The following C1orf35 variants were observed in gnomAD, a reference collection of about 807,000 sequenced individuals.
The protein encoded by C1orf35 is chromosome 1 open reading frame 35, also known as multiple myeloma tumor-associated protein 2.
In C1orf35, 36 loss-of-function variants were observed where a neutral mutation model predicts 30.9. That is an observed-to-expected ratio of 1.16 (90% CI 0.89 to 1.54). C1orf35 has a LOEUF of 1.54. Among genes scored for constraint, C1orf35 ranks in the 40% most tolerant of loss-of-function variants. The pLI, the probability that C1orf35 is intolerant of heterozygous loss-of-function variation, is 0.00. For synonymous variants in C1orf35, 179 were observed against 148.2 expected (o/e 1.21, Z -1.51); for missense variants, 396 against 358.7 (o/e 1.10, Z -0.84).
At position 228,102,552 on chromosome 1, in the gene C1orf35, C is replaced by T. The variant is rs1224448957; in HGVS notation, c.300G>A (p.Ala100=). 2 of 1,562,062 alleles carry T rather than the reference C, an allele frequency of 1.3e-6. No homozygotes were observed. Among genetic ancestry groups the T allele is most frequent in the Non-Finnish European group, 1.7e-6 (2 of 1,156,832 alleles). ...QPTGLSKEDF[A]EVCKREGGDP... is the part of the protein sequence containing the mutation. The stretch of plus-strand genomic sequence containing the variant: ...CGCCTCCTTCCCGCTTGCAGACCTC[C>T]GCGAAGTCCTGCAGGTGCGAGAGCA... The change falls in exon 4 of 8, where the codon GCG becomes GCA. Residue 100 remains alanine (A), a synonymous_variant. Coordinates refer to ENST00000272139, the MANE Select transcript of C1orf35 (RefSeq NM_024319.4).
In C1orf35 at chr1:228,102,882, C is replaced by G. The variant is rs1404141119; in HGVS notation, c.245+17G>C. 7.9e-6 allele frequency: 11 copies of G among 1,396,482 alleles called. No individual in the cohort carries two copies. The highest frequency in any genetic ancestry group is 1.0e-5 in the Non-Finnish European group (11 of 1,082,104). 86.5% of individuals were successfully genotyped at this position (1,396,482 alleles called of 1,614,324 possible). A position where few individuals can be genotyped will look rare whatever the true frequency, so the allele number is the denominator to read the frequency against. On this transcript the variant is annotated intron_variant, in intron 2 of 7. Coordinates refer to ENST00000272139, the MANE Select transcript of C1orf35 (RefSeq NM_024319.4). The stretch of plus-strand genomic sequence containing the variant: ...CGCCGTCCCAGGCACCGACCGCTGC[C>G]GTCCGCGGACACTCACAGGGCGGCC...
intron 2 of C1orf35, 69 bp from the exon 3 acceptor site, chr1:228,102,757 G>T: frequency 6.6e-7 from 1 of 1,524,868 alleles, no homozygotes. Flanking sequence ...CACCACTCCA[G>T]CCTTCGTCCT....
In C1orf35 at chr1:228,102,072, A is replaced by G. The variant is rs1181564428; in HGVS notation, c.533+8T>C. ...GGGGCACAGCTAGCCCAGGTGGCAC[A>G]GCCTCACCTGCTTTCCGTCTGATCC... On this transcript the variant is annotated splice_region_variant and intron_variant, in intron 6 of 7. Coordinates refer to ENST00000272139, the MANE Select transcript of C1orf35 (RefSeq NM_024319.4). 1.3e-6 allele frequency: 2 copies of G among 1,561,080 alleles called. No individual in the cohort carries two copies. Among genetic ancestry groups the G allele is most frequent in the Non-Finnish European group, 1.7e-6 (2 of 1,160,938 alleles).
rs1258081203 is a variant in C1orf35, at chr1:228,102,310, C to G, written c.447G>C (p.Thr149=). ...EAAKLGLSVF[T]HHRVESGGPG... is the part of the protein sequence containing the mutation. ...GCGGTCAGGCGGGGCGGGGGATTAC[C>G]GTGAACACAGACAGCCCCAGTTTGG... Residue 149 remains threonine, a splice_region_variant and synonymous_variant, in exon 5 of 8, where the codon ACG becomes ACC. Transcript: ENST00000272139. The G allele has an allele frequency of 1.9e-6, 3 of 1,611,132 alleles. No homozygotes were observed. Among genetic ancestry groups the G allele is most frequent in the South Asian group, 1.1e-5 (1 of 91,034 alleles).
At chr1:228,102,755 C>T in intron 2 of C1orf35, 67 bp from the exon 3 acceptor site, 1 of 1,529,370 alleles carries the variant, frequency 6.5e-7, no homozygotes, top group African/African-American at 1.4e-5. Context: ...CTCACCACTC[C>T]AGCCTTCGTC....
At position 228,102,061 on chromosome 1, in the gene C1orf35, C is replaced by G; in HGVS notation, c.533+19G>C. The G allele has an allele frequency of 6.5e-7, 1 of 1,535,428 alleles. No homozygotes were observed. The highest frequency in any genetic ancestry group is 8.7e-7 in the Non-Finnish European group (1 of 1,146,600). ...CCCCCCACCCCGGGGCACAGCTAGC[C>G]CAGGTGGCACAGCCTCACCTGCTTT... On this transcript the variant is annotated intron_variant, in intron 6 of 7. Transcript: ENST00000272139.
intron 1 of C1orf35, 25 bp downstream of exon 1, chr1:228,103,109 G>A (rs1322155306): frequency 1.2e-6 from 2 of 1,608,708 alleles, no homozygotes; most frequent in Admixed American, 3.3e-5. Flanking sequence ...CCGGAGCCCG[G>A]AGCCCGCCCA....
chr1:228,101,396 T>G lies in C1orf35; in HGVS notation c.611A>C (p.Lys204Thr), dbSNP rs1463107949. The change falls in exon 7 of 8, where the codon AAA becomes ACA. Residue 204 changes from lysine to threonine, a missense_variant. Lys to Thr is a moderately conservative substitution (Grantham distance 78). Coordinates refer to ENST00000272139, the MANE Select transcript of C1orf35 (RefSeq NM_024319.4). ...KRKHKKEKKK[K>T]DKEHRRPAEA... ...AGCTGGCCGCCTGTGCTCTTTGTCT[T>G]TCTTCTTCTTCTCTTTCTTGTGTTT... is the stretch of plus-strand genomic sequence containing the variant. 5.0e-6 allele frequency: 8 copies of G among 1,611,698 alleles called. No homozygotes were observed. Among genetic ancestry groups the G allele is most frequent in the Non-Finnish European group, 6.8e-6 (8 of 1,179,862 alleles).
chr1:228,101,230 G>A lies in C1orf35; in HGVS notation c.693C>T (p.Ser231=), dbSNP rs1011467420. 3.7e-5 allele frequency: 59 copies of A among 1,614,008 alleles called. No individual in the cohort carries two copies. The highest frequency in any genetic ancestry group is 1.1e-4 in the East Asian group (5 of 44,894). Residue 231 remains serine (S), a synonymous_variant, in exon 8 of 8, where the codon TCC becomes TCT. Transcript: ENST00000272139. ...TCTTACAGCAGGGGGAGTTGGAGTC[G>A]GAGTCATGGTGGTGGTGCCTGGGCC... ...PERPRHHHHD[S]DSNSPCCKRR...
Position 228,102,491 on chromosome 1 carries a change from G to A in C1orf35, c.361C>T (p.Leu121=), listed in dbSNP as rs570632683. ...EEKGVDRLLG[L]GSASGSVGRV... ...ACCCGCCCGCACCTTGCGCTCCCCA[G>A]CCCCAGCAGCCGGTCCACGCCCTTC... The change falls in exon 4 of 8, where the codon CTG becomes TTG. Residue 121 remains leucine (L), a synonymous_variant. Coordinates refer to ENST00000272139, the MANE Select transcript of C1orf35 (RefSeq NM_024319.4). 3.2e-6 allele frequency: 5 copies of A among 1,557,718 alleles called. No homozygotes were observed. Among genetic ancestry groups the A allele is most frequent in the African/African-American group, 2.7e-5 (2 of 73,518 alleles).
rs368673303 is a variant in C1orf35 at position 228,102,500 on chromosome 1, G to A, written c.352C>T (p.Leu118=). ...GDPEEKGVDR[L]LGLGSASGSV... Reference sequence around the variant, plus strand: ...CACCTTGCGCTCCCCAGCCCCAGCAGCCGGTCCACGCCCTTCTCCTCGGGG... The same window carrying A: ...CACCTTGCGCTCCCCAGCCCCAGCAACCGGTCCACGCCCTTCTCCTCGGGG... Residue 118 remains leucine (L), a synonymous_variant, in exon 4 of 8, where the codon CTG becomes TTG. Transcript: ENST00000272139. The A allele has an allele frequency of 1.3e-6, 2 of 1,558,142 alleles. No homozygotes were observed. Among genetic ancestry groups the A allele is most frequent in the Non-Finnish European group, 1.7e-6 (2 of 1,154,928 alleles).
Position 228,101,212 on chromosome 1 carries a change from G to C in C1orf35, c.711C>G (p.Cys237Trp). The C allele has an allele frequency of 6.2e-7, 1 of 1,614,182 alleles. No homozygotes were observed. Among genetic ancestry groups the C allele is most frequent in the South Asian group, 1.1e-5 (1 of 91,082 alleles). The stretch of plus-strand genomic sequence containing the variant: ...TGTGTCCCCGCTTCCTCCTCTTACA[G>C]CAGGGGGAGTTGGAGTCGGAGTCAT... ...HHHDSDSNSP[C>W]CKRRKRGHSG... The change falls in exon 8 of 8, where the codon TGC becomes TGG. Residue 237 changes from cysteine (C) to tryptophan (W), a missense_variant. By Grantham distance (215) the Cys-to-Trp change is radical (BLOSUM62 -2). Transcript: ENST00000272139.
intron 6 of C1orf35, 30 bp downstream of exon 6, chr1:228,102,050 G>A (rs1264530079): frequency 2.6e-6 from 4 of 1,518,442 alleles, no homozygotes; most frequent in South Asian, 1.2e-5. Context: ...CCACCCCGGG[G>A]CACAGCTAGC....
rs201744108 is a variant in C1orf35 at position 228,103,206 on chromosome 1, C to T, written c.22G>A (p.Gly8Ser). The T allele has an allele frequency of 9.3e-6, 15 of 1,611,026 alleles. No individual in the cohort carries two copies. The East Asian group carries it at 3.1e-4, about 34-fold the overall frequency. MFGSSRG[G>S]VRGGQDQFNW... ...AACTGGTCCTGCCCGCCGCGCACGC[C>T]TCCACGACTGGAGCCGAACATGGCG... Residue 8 changes from glycine (G) to serine (S), a missense_variant, in exon 1 of 8, where the codon GGC (glycine) becomes AGC (serine). Gly to Ser is a moderately conservative substitution (Grantham distance 56). Transcript: ENST00000272139.
intron 6 of C1orf35, chr1:228,101,741 C>T (rs900394050): frequency 5.6e-5 from 80 of 1,416,644 alleles, no homozygotes; most frequent in Non-Finnish European, 7.2e-5. Flanking sequence ...CTACCTGCAC[C>T]CACCAGGCCA....
In C1orf35 at chr1:228,100,980, A is replaced by T; in HGVS notation, c.*151T>A. On this transcript the variant is annotated 3_prime_UTR_variant, in exon 8 of 8. Transcript: ENST00000272139. The stretch of plus-strand genomic sequence containing the variant: ...GCCGGCTGCTCCAGAGCTAGCTGTC[A>T]AGTCTTTAGCCCCACAGGCTGGTGC... The T allele has an allele frequency of 8.6e-7, 1 of 1,163,022 alleles. No individual in the cohort carries two copies. The highest frequency in any genetic ancestry group is 1.2e-6 in the Non-Finnish European group (1 of 829,262). 72.0% of individuals were successfully genotyped at this position (1,163,022 alleles called of 1,614,324 possible). A position where few individuals can be genotyped will look rare whatever the true frequency, so the allele number is the denominator to read the frequency against.
chr1:228,101,598 C>G, intron 6 of C1orf35, 125 bp from the exon 7 acceptor site: 1 of 1,517,726 alleles, frequency 6.6e-7, no homozygotes, highest in Non-Finnish European at 8.8e-7. Context: ...TTAAATCAAA[C>G]TACAAATTCC....
In C1orf35 at chr1:228,102,898, C is replaced by T; in HGVS notation, c.245+1G>A. 1 of 1,464,834 alleles carries T rather than the reference C, an allele frequency of 6.8e-7. No homozygotes were observed. Among genetic ancestry groups the T allele is most frequent in the Non-Finnish European group, 9.0e-7 (1 of 1,115,810 alleles). 90.7% of individuals were successfully genotyped at this position (1,464,834 alleles called of 1,614,324 possible). On this transcript the variant is annotated splice_donor_variant, in intron 2 of 7. Coordinates refer to ENST00000272139, the MANE Select transcript of C1orf35 (RefSeq NM_024319.4). LOFTEE classifies it high-confidence loss of function. ...GACCGCTGCCGTCCGCGGACACTCACAGGGCGGCCAGCAGCGCCTCGCGCT... is the reference window on the plus strand; with the variant it reads ...GACCGCTGCCGTCCGCGGACACTCATAGGGCGGCCAGCAGCGCCTCGCGCT...
chr1:228,102,118 G>T lies in C1orf35; in HGVS notation c.495C>A (p.Ala165=), dbSNP rs2032983671. The stretch of plus-strand genomic sequence containing the variant: ...GATCCTCCGCCCGCGGCTTCCTCCT[G>T]GCCGAGGCTGCCGAGGTCCCGGGCC... The part of the protein sequence containing the change: ...SGGPGTSAAS[A]RRKPRAEDQT... Residue 165 remains alanine (A), a synonymous_variant, in exon 6 of 8, where the codon GCC becomes GCA. Coordinates refer to ENST00000272139, the MANE Select transcript of C1orf35 (RefSeq NM_024319.4). 6.3e-7 allele frequency: 1 copy of T among 1,580,464 alleles called. No individual in the cohort carries two copies. The highest frequency in any genetic ancestry group is 2.3e-5 in the East Asian group (1 of 43,906).
Sources: allele counts gnomAD v4.1 joint callset, GRCh38; gene constraint gnomAD v4.1.1; transcripts MANE v1.5; gene names NCBI Gene and HGNC (gene_info 2026-07-23, HGNC 2026-07-21).